Variants in MDFIC2 observed in about 807,000 individuals in gnomAD.
MDFIC2 encodes myoD family inhibitor domain-containing protein 2.
In MDFIC2 at chr3:70,296,993, A is replaced by C. The variant is rs369316699; in HGVS notation, c.88+14893T>G. Among the ~76,000 whole-genome samples the C allele has an allele frequency of 1.8e-3, 274 of 151,782 alleles. 1 individual carries two copies. Among genetic ancestry groups the C allele is most frequent in the African/African-American group, 6.4e-3 (263 of 41,396 alleles). On this transcript the variant is annotated intron_variant, in intron 2 of 3. Coordinates refer to ENST00000567252, the MANE Select transcript of MDFIC2 (RefSeq NM_001364677.1). ...TGATCTAATATCCCCATGCTCCCCA[A>C]CCGCCTCCCCCACCACACATACGCA... is the stretch of plus-strand genomic sequence containing the variant.
chr3:70,289,420 G>A lies in MDFIC2; in HGVS notation c.88+22466C>T, dbSNP rs567554735. Among the ~76,000 whole-genome samples, 37 of 149,212 alleles carry A rather than the reference G, an allele frequency of 2.5e-4. No homozygotes were observed. In the East Asian group the frequency reaches 2.6e-3, roughly 10 times the overall value. On this transcript the variant is annotated intron_variant, in intron 2 of 3. Coordinates refer to ENST00000567252, the MANE Select transcript of MDFIC2 (RefSeq NM_001364677.1). Reference sequence around the variant, plus strand: ...TCTTCTGGCTTGTAGGGTTTCTGCCGAGAGATCCGCTGTTAGTCTGATGGG... The same window carrying A: ...TCTTCTGGCTTGTAGGGTTTCTGCCAAGAGATCCGCTGTTAGTCTGATGGG...
chr3:70,307,242 A>G (rs1173210995), intron 2 of MDFIC2, among the ~76,000 whole-genome samples: 1 of 152,110 alleles, frequency 6.6e-6, no homozygotes, highest in Non-Finnish European at 1.5e-5. Flanking sequence ...AACCTTTAAC[A>G]ATCAGGAGAT....
chr3:70,291,107 G>T (rs1428188661), intron 2 of MDFIC2: 1 of 152,086 alleles, frequency 6.6e-6, no homozygotes, highest in African/African-American at 2.4e-5. Flanking sequence ...TTTTTATGAA[G>T]GAAAAGAATA....
rs369236121 is a variant in MDFIC2 at position 70,243,208 on chromosome 3, T to A, written c.89-36418A>T. The stretch of plus-strand genomic sequence containing the variant: ...ACATCTTGTTAAGGTCTGTTGAGGA[T>A]TGGGGGCTGTGACACAATTTTCTTG... On this transcript the variant is annotated intron_variant, in intron 2 of 3. Transcript: ENST00000567252. 9.2e-5 allele frequency among the ~76,000 whole-genome samples: 14 copies of A among 152,088 alleles called. No individual in the cohort carries two copies. In the East Asian group the frequency reaches 2.1e-3, roughly 23 times the overall value.
chr3:70,228,973 G>C (rs756484001), intron 2 of MDFIC2, among the ~76,000 whole-genome samples: 1 of 152,020 alleles, frequency 6.6e-6, no homozygotes, highest in African/African-American at 2.4e-5. Flanking sequence ...GAAGAAACAC[G>C]GAGAATACCA....
intron 3 of MDFIC2, among the ~76,000 whole-genome samples, chr3:70,199,735 A>C (rs975394378): frequency 6.6e-6 from 1 of 152,182 alleles, no homozygotes; most frequent in African/African-American, 2.4e-5. Flanking sequence ...CTTGTCCTGA[A>C]TGAGTATATT....
chr3:70,224,413 CT>C (rs1701485517), intron 2 of MDFIC2, among the ~76,000 whole-genome samples: 1 of 152,194 alleles, frequency 6.6e-6, no homozygotes, highest in Non-Finnish European at 1.5e-5. Flanking sequence ...TCTAGAAGCC[CT>C]TTGGATGGGC....
At chr3:70,268,422 C>T (rs781722323) in intron 2 of MDFIC2, among the ~76,000 whole-genome samples, 1 of 138,440 alleles carries the variant, frequency 7.2e-6, no homozygotes, top group Non-Finnish European at 1.5e-5. Context: ...TGGCAGTGAG[C>T]AGAGATCGCA....
chr3:70,227,355 A>C (rs969487760), intron 2 of MDFIC2, among the ~76,000 whole-genome samples: 1 of 152,172 alleles, frequency 6.6e-6, no homozygotes, highest in African/African-American at 2.4e-5. Flanking sequence ...TTTCCATACC[A>C]CTTCTTACTC....
At chr3:70,228,347 G>A (rs1028494902) in intron 2 of MDFIC2, among the ~76,000 whole-genome samples, 6 of 151,872 alleles carry the variant, frequency 4.0e-5, no homozygotes, top group African/African-American at 1.5e-4. Flanking sequence ...AGTTTCATTT[G>A]ACAAGTAATT....
At chr3:70,245,073 T>C (rs1321792784) in intron 2 of MDFIC2, among the ~76,000 whole-genome samples, 1 of 152,174 alleles carries the variant, frequency 6.6e-6, no homozygotes, top group Non-Finnish European at 1.5e-5. Context: ...GATTTCATTT[T>C]GAAGAGGAGA....
chr3:70,282,587 A>C (rs1035664629), intron 2 of MDFIC2, among the ~76,000 whole-genome samples: 2 of 152,132 alleles, frequency 1.3e-5, no homozygotes, highest in African/African-American at 2.4e-5. Context: ...GGAACTTTGC[A>C]CTTGCTATTT....
At chr3:70,253,527 G>T (rs1271376619) in intron 2 of MDFIC2, among the ~76,000 whole-genome samples, 1 of 152,166 alleles carries the variant, frequency 6.6e-6, no homozygotes, top group Non-Finnish European at 1.5e-5. Flanking sequence ...GCCAAGATAG[G>T]AAGCCTGAGC....
At chr3:70,299,607 T>C (rs1301106829) in intron 2 of MDFIC2, among the ~76,000 whole-genome samples, 1 of 152,126 alleles carries the variant, frequency 6.6e-6, no homozygotes, top group Non-Finnish European at 1.5e-5. Context: ...GTGCCAGCCC[T>C]TTGTTTTCAT....
intron 2 of MDFIC2, among the ~76,000 whole-genome samples, chr3:70,274,634 G>A (rs1211919901): frequency 1.3e-5 from 2 of 152,110 alleles, no homozygotes; most frequent in East Asian, 1.9e-4. Context: ...TGTTGGGGAT[G>A]GAGCGGTGGG....
chr3:70,259,204 A>G (rs1470974244), intron 2 of MDFIC2, among the ~76,000 whole-genome samples: 1 of 152,146 alleles, frequency 6.6e-6, no homozygotes. Context: ...ATTTCCCAGA[A>G]CACATTCTAT....
chr3:70,281,939 G>A (rs921991920), intron 2 of MDFIC2, among the ~76,000 whole-genome samples: 5 of 152,160 alleles, frequency 3.3e-5, no homozygotes, highest in Non-Finnish European at 7.4e-5. Context: ...TGATTGTACA[G>A]TAACACCCTG....
intron 3 of MDFIC2, among the ~76,000 whole-genome samples, chr3:70,197,386 C>T (rs576074608): frequency 1.3e-5 from 2 of 152,322 alleles, no homozygotes; most frequent in East Asian, 3.9e-4. Context: ...GCTTTATTAA[C>T]TTCCTGAGCA....
chr3:70,269,074 GT>G (rs1458498951), intron 2 of MDFIC2, among the ~76,000 whole-genome samples: 2 of 151,956 alleles, frequency 1.3e-5, no homozygotes, highest in Non-Finnish European at 2.9e-5. Context: ...CCTGTCAAAA[GT>G]TAAAAAATAT....
Sources: gnomAD v4.1 joint callset for allele counts (sites outside exome capture counted in the v4.1 genomes callset) on GRCh38, gnomAD v4.1.1 for gene constraint, MANE v1.5 for transcripts, NCBI Gene and HGNC (gene_info 2026-07-23, HGNC 2026-07-21) for gene names.